Variants in SPOCK3 observed in about 807,000 individuals in gnomAD.
SPOCK3 encodes SPARC (osteonectin), cwcv and kazal like domains proteoglycan 3, also known as testican-3.
SPOCK3 carries 30 observed loss-of-function variants against 56.6 expected under a neutral mutation model. The ratio of observed to expected loss-of-function variants is 0.53; its 90% CI spans 0.40 to 0.72. SPOCK3 has a LOEUF of 0.72. SPOCK3 is among the 30% of genes least tolerant of loss of function. The pLI, the probability that SPOCK3 is intolerant of heterozygous loss-of-function variation, is 0.00. For synonymous variants in SPOCK3, 196 were observed against 183.3 expected (o/e 1.07, Z -0.56); for missense variants, 527 against 530.0 (o/e 0.99, Z 0.06).
chr4:166,751,030 C>T (rs373834569), intron 8 of SPOCK3, among the ~76,000 whole-genome samples: 2 of 69,230 alleles, frequency 2.9e-5, no homozygotes, highest in African/African-American at 9.0e-5. Flanking sequence ...TGAAGTTTTA[C>T]AACAAGGCAG....
In SPOCK3 at chr4:167,109,347, AAAAT is replaced by A. The variant is rs1439731058; in HGVS notation, c.190-46814_190-46811del. On this transcript the variant is annotated intron_variant, in intron 2 of 10. Transcript: ENST00000357545. Reference sequence around the variant, plus strand: ...TTAATATATATTAATATTATATAATAAAATAAATATATATTTATATATATATTTA... The same window carrying A: ...TTAATATATATTAATATTATATAATAAAATATATATTTATATATATATTTA... 7.9e-3 allele frequency among the ~76,000 whole-genome samples: 496 copies of A among 62,494 alleles called. 5 individuals carry two copies. Among genetic ancestry groups the A allele is most frequent in the African/African-American group, 0.028 (468 of 16,776 alleles). 41.0% of individuals were successfully genotyped at this position (62,494 alleles called of 152,430 possible). A position where few individuals can be genotyped will look rare whatever the true frequency, so the allele number is the denominator to read the frequency against.
At chr4:166,880,109 T>C (rs1401717085) in intron 6 of SPOCK3, among the ~76,000 whole-genome samples, 3 of 152,224 alleles carry the variant, frequency 2.0e-5, no homozygotes, top group Non-Finnish European at 4.4e-5. Flanking sequence ...AACAGACTAA[T>C]ACAGATACCT....
chr4:167,081,732 A>T (rs2150290915), intron 2 of SPOCK3, among the ~76,000 whole-genome samples: 1 of 152,160 alleles, frequency 6.6e-6, no homozygotes, highest in African/African-American at 2.4e-5. Flanking sequence ...AGCCAAAAAT[A>T]GGAGAAAGTC....
chr4:166,749,945 T>A (rs1736163166), intron 8 of SPOCK3, among the ~76,000 whole-genome samples: 1 of 152,160 alleles, frequency 6.6e-6, no homozygotes. Flanking sequence ...CTAGTTATTG[T>A]AAAGCAGAAA....
chr4:166,852,724 A>G (rs868179450), intron 6 of SPOCK3, among the ~76,000 whole-genome samples: 8 of 152,196 alleles, frequency 5.3e-5, no homozygotes, highest in African/African-American at 1.7e-4. Flanking sequence ...AATGAGAAAT[A>G]AACCTCCCCT....
intron 2 of SPOCK3, among the ~76,000 whole-genome samples, chr4:167,108,519 TA>T (rs1245759281): frequency 6.6e-6 from 1 of 151,910 alleles, no homozygotes; most frequent in Non-Finnish European, 1.5e-5. Flanking sequence ...TGGATGGAAC[TA>T]GAGGTCATTA....
At chr4:166,797,298 TCTAAGTGGC>T (rs1560868383) in intron 6 of SPOCK3, among the ~76,000 whole-genome samples, 5 of 131,164 alleles carry the variant, frequency 3.8e-5, no homozygotes, top group East Asian at 5.1e-4. Context: ...GTGCAATGTT[TCTAAGTGGC>T]TTTTTTTTTT....
intron 6 of SPOCK3, among the ~76,000 whole-genome samples, chr4:166,873,009 G>A (rs1246595407): frequency 6.6e-6 from 1 of 152,102 alleles, no homozygotes; most frequent in Non-Finnish European, 1.5e-5. Context: ...CATCCATCAT[G>A]GAGAGAGGGA....
intron 4 of SPOCK3, among the ~76,000 whole-genome samples, chr4:166,995,985 T>C (rs1317893476): frequency 1.3e-5 from 2 of 152,158 alleles, no homozygotes; most frequent in African/African-American, 4.8e-5. Context: ...GCCATAGCTA[T>C]TCAATCAGTG....
At chr4:167,002,750 T>C (rs1391040067) in intron 3 of SPOCK3, among the ~76,000 whole-genome samples, 1 of 152,174 alleles carries the variant, frequency 6.6e-6, no homozygotes, top group African/African-American at 2.4e-5. Flanking sequence ...CAAAAGTGTA[T>C]GACTTCTTGT....
chr4:166,748,512 A>T (rs1303926909), intron 8 of SPOCK3, among the ~76,000 whole-genome samples: 1 of 137,168 alleles, frequency 7.3e-6, no homozygotes, highest in Non-Finnish European at 1.5e-5. Context: ...CTTAAATGTT[A>T]GACCTAAAGC....
chr4:167,104,485 A>G (rs1759925326), intron 2 of SPOCK3, among the ~76,000 whole-genome samples: 1 of 152,164 alleles, frequency 6.6e-6, no homozygotes, highest in Non-Finnish European at 1.5e-5. Flanking sequence ...GAACTGAGCA[A>G]GGAGAAGAAA....
chr4:166,883,253 A>G lies in SPOCK3; in HGVS notation c.589+5877T>C, dbSNP rs182649098. The G allele has an allele frequency of 1.4e-4, 21 of 152,324 alleles. No individual in the cohort carries two copies. The East Asian group carries it at 4.1e-3, about 29-fold the overall frequency. 9.4% of individuals were successfully genotyped at this position (152,324 alleles called of 1,614,324 possible). A position where few individuals can be genotyped will look rare whatever the true frequency, so the allele number is the denominator to read the frequency against. ...AAACTTTGTTTCTTGATAGGGTTCC[A>G]TAGCACTCAGAGTACTGAAATGAAT... On this transcript the variant is annotated intron_variant, in intron 6 of 10. Coordinates refer to ENST00000357545, the MANE Select transcript of SPOCK3 (RefSeq NM_001040159.2).
intron 3 of SPOCK3, among the ~76,000 whole-genome samples, chr4:167,019,055 G>A (rs1303947767): frequency 6.6e-6 from 1 of 152,056 alleles, no homozygotes; most frequent in Non-Finnish European, 1.5e-5. Flanking sequence ...CCAAGAGGCA[G>A]TGGATGCACC....
At chr4:167,154,303 C>T (rs1764642694) in intron 2 of SPOCK3, among the ~76,000 whole-genome samples, 1 of 151,764 alleles carries the variant, frequency 6.6e-6, no homozygotes, top group African/African-American at 2.4e-5. Context: ...TCCAAAATTC[C>T]CAGAAAAGGG....
At chr4:167,015,679 C>A (rs1315903938) in intron 3 of SPOCK3, among the ~76,000 whole-genome samples, 1 of 152,104 alleles carries the variant, frequency 6.6e-6, no homozygotes, top group Non-Finnish European at 1.5e-5. Context: ...AATGATCTGA[C>A]TGTTGTTAAA....
chr4:167,195,310 G>A (rs140614702), intron 2 of SPOCK3, among the ~76,000 whole-genome samples: 91 of 152,292 alleles, frequency 6.0e-4, no homozygotes, highest in African/African-American at 2.1e-3. Context: ...ATGACTAAGA[G>A]GGACTGAGGA....
chr4:166,793,252 T>C (rs933215504), intron 6 of SPOCK3, among the ~76,000 whole-genome samples: 2 of 152,086 alleles, frequency 1.3e-5, no homozygotes, highest in African/African-American at 4.8e-5. Flanking sequence ...ACATTTAATA[T>C]ATACCATATA....
At chr4:166,767,318 G>A (rs1579162180) in intron 7 of SPOCK3, among the ~76,000 whole-genome samples, 1 of 144,072 alleles carries the variant, frequency 6.9e-6, no homozygotes, top group African/African-American at 2.5e-5. Flanking sequence ...TTTCTCTTGT[G>A]GGCATTTAGT....
Sources: gnomAD v4.1 joint callset for allele counts (sites outside exome capture counted in the v4.1 genomes callset) on GRCh38, gnomAD v4.1.1 for gene constraint, MANE v1.5 for transcripts, NCBI Gene and HGNC (gene_info 2026-07-23, HGNC 2026-07-21) for gene names.